The following LRFN2 variants were observed in gnomAD, a reference collection of about 807,000 sequenced individuals.
The protein encoded by LRFN2 is leucine-rich repeat and fibronectin type-III domain-containing protein 2.
LRFN2 carries 18 observed loss-of-function variants against 37.3 expected under a neutral mutation model. The observed-to-expected ratio is 0.48, with a 90% CI of 0.33 to 0.72. LRFN2 has a LOEUF of 0.72. Among genes scored for constraint, LRFN2 ranks in the 30% least tolerant of loss-of-function variants. The pLI, the probability that LRFN2 is intolerant of heterozygous loss-of-function variation, is 0.02. For synonymous variants in LRFN2, 556 were observed against 466.6 expected (o/e 1.19, Z -2.47); for missense variants, 1,006 against 1,060.7 (o/e 0.95, Z 0.72).
intron 1 of LRFN2, among the ~76,000 whole-genome samples, chr6:40,458,415 G>T (rs1261327511): frequency 1.3e-5 from 2 of 152,192 alleles, no homozygotes; most frequent in African/African-American, 2.4e-5. Context: ...GCAGCAAAAA[G>T]TCCAAAGTTC....
chr6:40,444,602 G>T (rs568314724), intron 1 of LRFN2, among the ~76,000 whole-genome samples: 5 of 152,270 alleles, frequency 3.3e-5, no homozygotes, highest in African/African-American at 1.2e-4. Context: ...AGCATGCATA[G>T]GAGTTCTATA....
rs188889588 is a variant in LRFN2, at chr6:40,479,977, T to C, written c.-18-46846A>G. Among the ~76,000 whole-genome samples the C allele has an allele frequency of 8.0e-4, 122 of 152,392 alleles. 1 individual carries two copies. The highest frequency in any genetic ancestry group is 3.5e-3 in the South Asian group (17 of 4,832). On this transcript the variant is annotated intron_variant, in intron 1 of 2. Transcript: ENST00000338305. The stretch of plus-strand genomic sequence containing the variant: ...AATGTCAAGGATTCCTGAGAATTGA[T>C]GTTTGAATGCAGACACGAATCTATT...
chr6:40,499,776 T>C (rs1436377460), intron 1 of LRFN2, among the ~76,000 whole-genome samples: 1 of 152,162 alleles, frequency 6.6e-6, no homozygotes, highest in Non-Finnish European at 1.5e-5. Flanking sequence ...TGGGCTGTGT[T>C]CAAGGTAGTA....
intron 1 of LRFN2, among the ~76,000 whole-genome samples, chr6:40,539,026 C>T (rs920101578): frequency 6.6e-6 from 1 of 152,120 alleles, no homozygotes; most frequent in Non-Finnish European, 1.5e-5. Context: ...GTCCAGGTTC[C>T]TCCCTCTCTA....
chr6:40,496,007 G>T (rs991909972), intron 1 of LRFN2, among the ~76,000 whole-genome samples: 1 of 151,976 alleles, frequency 6.6e-6, no homozygotes, highest in Non-Finnish European at 1.5e-5. Context: ...CTCCAAATAT[G>T]CCAATACATT....
chr6:40,435,999 C>T (rs983281829), intron 1 of LRFN2, among the ~76,000 whole-genome samples: 7 of 151,722 alleles, frequency 4.6e-5, no homozygotes, highest in East Asian at 3.9e-4. Flanking sequence ...ATGATGTGAG[C>T]CAAAAATGTG....
chr6:40,455,900 A>G (rs1764224185), intron 1 of LRFN2, among the ~76,000 whole-genome samples: 1 of 152,210 alleles, frequency 6.6e-6, no homozygotes, highest in Non-Finnish European at 1.5e-5. Flanking sequence ...TAATTAGGTG[A>G]GCCCACAGAA....
At chr6:40,525,971 G>A (rs1343827736) in intron 1 of LRFN2, among the ~76,000 whole-genome samples, 7 of 152,124 alleles carry the variant, frequency 4.6e-5, no homozygotes, top group East Asian at 3.9e-4. Context: ...CACTGAACAC[G>A]AAGGCACGAG....
chr6:40,552,268 A>G (rs947012418), intron 1 of LRFN2, among the ~76,000 whole-genome samples: 2 of 152,170 alleles, frequency 1.3e-5, no homozygotes, highest in African/African-American at 4.8e-5. Flanking sequence ...ACTGTTCTAG[A>G]ACAGTGGTTC....
intron 2 of LRFN2, among the ~76,000 whole-genome samples, chr6:40,430,538 G>A (rs987724334): frequency 3.3e-5 from 5 of 152,226 alleles, no homozygotes; most frequent in Non-Finnish European, 5.9e-5. Flanking sequence ...TTTAGGCCAT[G>A]TCCTTCATGT....
chr6:40,443,307 A>G (rs945950521), intron 1 of LRFN2, among the ~76,000 whole-genome samples: 2 of 152,246 alleles, frequency 1.3e-5, no homozygotes, highest in Non-Finnish European at 2.9e-5. Context: ...TTATTTCAGT[A>G]AACATAATTC....
chr6:40,394,282 T>C (rs928740485), intron 2 of LRFN2, among the ~76,000 whole-genome samples: 2 of 152,068 alleles, frequency 1.3e-5, no homozygotes, highest in Non-Finnish European at 2.9e-5. Flanking sequence ...CCAGAGATGA[T>C]GCCTGTGTCA....
At chr6:40,552,551 G>A (rs1051436266) in intron 1 of LRFN2, among the ~76,000 whole-genome samples, 5 of 152,116 alleles carry the variant, frequency 3.3e-5, no homozygotes, top group African/African-American at 1.2e-4. Context: ...TAAAATCCCT[G>A]AGAAGTACTA....
intron 1 of LRFN2, among the ~76,000 whole-genome samples, chr6:40,565,210 A>G (rs552397627): frequency 3.9e-5 from 6 of 152,290 alleles, no homozygotes; most frequent in Non-Finnish European, 8.8e-5. Flanking sequence ...GAGAACTACA[A>G]ACCACTGCTC....
At chr6:40,487,688 C>A (rs1295605619) in intron 1 of LRFN2, among the ~76,000 whole-genome samples, 1 of 152,162 alleles carries the variant, frequency 6.6e-6, no homozygotes, top group Non-Finnish European at 1.5e-5. Context: ...TCAGTGAATC[C>A]AAGGATGGGA....
intron 1 of LRFN2, among the ~76,000 whole-genome samples, chr6:40,564,554 C>A (rs1767054927): frequency 6.6e-6 from 1 of 152,122 alleles, no homozygotes; most frequent in African/African-American, 2.4e-5. Context: ...GAAGGTCCAG[C>A]ACCTGCACAC....
intron 1 of LRFN2, among the ~76,000 whole-genome samples, chr6:40,572,674 T>C (rs1009725176): frequency 9.9e-5 from 15 of 152,202 alleles, no homozygotes; most frequent in Admixed American, 3.9e-4. Context: ...GTTTATTTAG[T>C]TGCCTTAGAA....
intron 1 of LRFN2, among the ~76,000 whole-genome samples, chr6:40,455,842 T>C (rs1209204447): frequency 3.3e-5 from 5 of 152,198 alleles, no homozygotes; most frequent in Non-Finnish European, 5.9e-5. Context: ...CCCTCATCAA[T>C]TGACTTTAAG....
intron 2 of LRFN2, among the ~76,000 whole-genome samples, chr6:40,409,242 A>G (rs541678755): frequency 1.3e-4 from 20 of 152,340 alleles, no homozygotes; most frequent in South Asian, 2.1e-4. Flanking sequence ...CCTCTGTCAG[A>G]TCAGAAGCTG....
Sources: allele counts gnomAD v4.1 joint callset (sites outside exome capture counted in the v4.1 genomes callset), GRCh38; gene constraint gnomAD v4.1.1; transcripts MANE v1.5; gene names NCBI Gene and HGNC (gene_info 2026-07-23, HGNC 2026-07-21).